Variants in NME9 observed in about 807,000 individuals in gnomAD.
NME9 encodes thioredoxin domain-containing protein 6.
NME9 carries 48 observed loss-of-function variants against 44.4 expected under a neutral mutation model. The observed-to-expected ratio is 1.08, with a 90% CI of 0.86 to 1.37. The LOEUF (loss-of-function observed/expected upper bound fraction) is 1.37, where lower values mean the gene tolerates loss of function less well. Among genes scored for constraint, NME9 ranks in the 40% most tolerant of loss-of-function variants. The pLI, the probability that NME9 is intolerant of heterozygous loss-of-function variation, is 0.00. For missense variants in NME9, 325 were observed against 405.2 expected, an observed-to-expected ratio of 0.80 and a Z score of 1.70; for synonymous variants, 139 against 147.1, an observed-to-expected ratio of 0.94 and a Z score of 0.40.
intron 8 of NME9, among the ~76,000 whole-genome samples, chr3:138,262,896 G>A (rs1321411800): frequency 1.3e-5 from 2 of 152,214 alleles, no homozygotes; most frequent in Non-Finnish European, 2.9e-5. Context: ...GCCTGGGTAC[G>A]TATCTCAGCT....
intron 6 of NME9, among the ~76,000 whole-genome samples, chr3:138,308,048 G>A (rs1400780566): frequency 6.6e-6 from 1 of 152,160 alleles, no homozygotes; most frequent in African/African-American, 2.4e-5. Flanking sequence ...GGAAGGCTAA[G>A]GAAGGGTAAG....
At chr3:138,262,735 G>C in intron 8 of NME9, 2 of 814,350 alleles carry the variant, frequency 2.5e-6, no homozygotes, top group South Asian at 6.1e-5. Context: ...CCAAGGTTAA[G>C]ATCTATTGGT....
At chr3:138,261,836 C>G (rs967216471) in exon 9 of NME9, 1 of 152,190 alleles carries the variant, frequency 6.6e-6, no homozygotes, top group African/African-American at 2.4e-5. Context: ...GCATGGAGAC[C>G]TTTCGTCAGA....
chr3:138,304,595 C>G (rs1037673280), intron 9 of NME9, among the ~76,000 whole-genome samples: 2 of 152,030 alleles, frequency 1.3e-5, no homozygotes, highest in Non-Finnish European at 2.9e-5. Context: ...ATCCTCTGGC[C>G]GAAAAGAGAA....
Position 138,262,329 on chromosome 3 carries a change from C to A in NME9, c.*211G>T, listed in dbSNP as rs574465240. ...GTTTGGTCTAGGGCGAGGAGTAGAT[C>A]AATATGTAAATGTTTTGGAAACTAA... On this transcript the variant is annotated 3_prime_UTR_variant, in exon 9 of 9. Coordinates refer to the NME9 transcript ENST00000317876. 40 of 573,588 alleles carry A rather than the reference C, an allele frequency of 7.0e-5. No individual in the cohort carries two copies. The Middle Eastern group carries it at 1.9e-3, about 27-fold the overall frequency. The allele number at this position is 573,588 out of a possible 1,614,324, so 35.5% of individuals were successfully genotyped here. A position where few individuals can be genotyped will look rare whatever the true frequency, so the allele number is the denominator to read the frequency against.
chr3:138,287,705 A>G (rs1461959536), intron 8 of NME9: 6 of 456,602 alleles, frequency 1.3e-5, no homozygotes, highest in Admixed American at 4.7e-5. Flanking sequence ...ATAGAATTCT[A>G]CTGGAGGAAG....
chr3:138,322,740 C>T (rs927115356), intron 2 of NME9, among the ~76,000 whole-genome samples: 24 of 152,134 alleles, frequency 1.6e-4, no homozygotes, highest in African/African-American at 5.3e-4. Context: ...GGAGGCCTTG[C>T]TGCCTTCATT....
intron 2 of NME9, among the ~76,000 whole-genome samples, chr3:138,320,042 C>G (rs1260222387): frequency 6.6e-6 from 1 of 152,184 alleles, no homozygotes; most frequent in Non-Finnish European, 1.5e-5. Context: ...TTAAAAGCCA[C>G]TTTCTTTGGG....
intron 8 of NME9, among the ~76,000 whole-genome samples, chr3:138,279,110 A>T: frequency 6.6e-6 from 1 of 152,204 alleles, no homozygotes; most frequent in East Asian, 1.9e-4. Flanking sequence ...AGAGAAAAGC[A>T]CTCAGTCTTT....
chr3:138,286,136 T>C (rs2050387327), intron 8 of NME9, among the ~76,000 whole-genome samples: 1 of 152,018 alleles, frequency 6.6e-6, no homozygotes. Flanking sequence ...AGAGATGGGG[T>C]TTCACCATGT....
chr3:138,305,083 G>A lies in NME9; in HGVS notation c.637-56C>T. On this transcript the variant is annotated intron_variant, in intron 8 of 10. Transcript: ENST00000333911. ...GGCAGGAGCTGCTAGGGCCTGCAGA[G>A]GATCAGCGAGCCCATCTCACCCACG... 3.9e-6 allele frequency: 6 copies of A among 1,519,276 alleles called. No individual in the cohort carries two copies. In the South Asian group the frequency reaches 5.9e-5, roughly 15 times the overall value. The allele number at this position is 1,519,276 out of a possible 1,614,324, so 94.1% of individuals were successfully genotyped here.
chr3:138,311,568 A>C (rs2052704509), intron 6 of NME9, among the ~76,000 whole-genome samples: 1 of 152,236 alleles, frequency 6.6e-6, no homozygotes, highest in East Asian at 1.9e-4. Context: ...CCAGGGATGT[A>C]AAAAGGGTTC....
chr3:138,318,227 A>G lies in NME9; in HGVS notation c.196-8T>C. 1 of 1,603,892 alleles carries G rather than the reference A, an allele frequency of 6.2e-7. No individual in the cohort carries two copies. The highest frequency in any genetic ancestry group is 8.5e-7 in the Non-Finnish European group (1 of 1,170,658). On this transcript the variant is annotated splice_polypyrimidine_tract_variant and splice_region_variant and intron_variant, in intron 3 of 10. Transcript: ENST00000333911. ...AAGACGATCTGCCTCTGCCTAAAGA[A>G]AGCCACTATCAGCAGGTACCCTGGA...
chr3:138,276,735 T>G (rs927127841), intron 8 of NME9, among the ~76,000 whole-genome samples: 2 of 152,116 alleles, frequency 1.3e-5, no homozygotes, highest in African/African-American at 4.8e-5. Context: ...CTGAAAACTA[T>G]AAAAACACTG....
intron 4 of NME9, among the ~76,000 whole-genome samples, chr3:138,317,456 GCCTAAA>G (rs2053167131): frequency 6.6e-6 from 1 of 152,192 alleles, no homozygotes; most frequent in African/African-American, 2.4e-5. Context: ...CTGGCAGGTG[GCCTAAA>G]CCTAGGAAGC....
intron 6 of NME9, among the ~76,000 whole-genome samples, chr3:138,307,507 C>T (rs1280109956): frequency 2.0e-5 from 3 of 152,218 alleles, no homozygotes; most frequent in Non-Finnish European, 4.4e-5. Flanking sequence ...GGCTTCTACT[C>T]TGAAAAATCT....
chr3:138,323,378 T>G (rs1316677277), intron 2 of NME9, among the ~76,000 whole-genome samples: 4 of 152,152 alleles, frequency 2.6e-5, no homozygotes. Context: ...ATTGCATCAC[T>G]GCACTCCAGC....
At chr3:138,283,134 A>C (rs1192610568) in intron 8 of NME9, among the ~76,000 whole-genome samples, 1 of 152,202 alleles carries the variant, frequency 6.6e-6, no homozygotes, top group Admixed American at 6.5e-5. Flanking sequence ...TGTGTCTCAG[A>C]GGCAGCCTTT....
chr3:138,264,412 CTTTTTTTTTTTTT>C (rs11298899), intron 8 of NME9, among the ~76,000 whole-genome samples: 2 of 48,630 alleles, frequency 4.1e-5, no homozygotes, highest in African/African-American at 7.7e-5. Flanking sequence ...GATTTTCTTT[CTTTTTTTTTTTTT>C]TTTTTTTTTT....
Sources: allele counts gnomAD v4.1 joint callset (sites outside exome capture counted in the v4.1 genomes callset), GRCh38; gene constraint gnomAD v4.1.1; transcripts MANE v1.5; gene names NCBI Gene and HGNC (gene_info 2026-07-23, HGNC 2026-07-21).